The following ZNF131 variants were observed in gnomAD, a reference collection of about 807,000 sequenced individuals.
The protein encoded by ZNF131 is zinc finger protein 131.
ZNF131 carries 7 observed loss-of-function variants against 60.0 expected under a neutral mutation model. The observed-to-expected ratio is 0.12, with a 90% CI of 0.07 to 0.22. ZNF131 has a LOEUF of 0.22. Ranked by LOEUF, ZNF131 falls within the 10% of genes least tolerant of loss-of-function variation. The pLI is 1.00. For missense variants in ZNF131, 493 were observed against 740.9 expected (o/e 0.67, Z 3.88); for synonymous variants, 257 against 253.2 (o/e 1.01, Z -0.14).
At chr5:43,174,367 C>T in intron 6 of ZNF131, 80 bp from the exon 7 acceptor site, 1 of 1,273,192 alleles carries the variant, frequency 7.9e-7, no homozygotes, top group Non-Finnish European at 1.1e-6. Context: ...TCAATCTTTT[C>T]TTTACAGAGA....
At chr5:43,165,446 G>C (rs1156629527) in intron 5 of ZNF131, among the ~76,000 whole-genome samples, 1 of 152,190 alleles carries the variant, frequency 6.6e-6, no homozygotes, top group African/African-American at 2.4e-5. Context: ...CAGAATGGCT[G>C]TTGTGTTTGC....
At chr5:43,141,041 G>C (rs192798429) in intron 4 of ZNF131, among the ~76,000 whole-genome samples, 41 of 152,088 alleles carry the variant, frequency 2.7e-4, no homozygotes, top group Admixed American at 2.3e-3. Flanking sequence ...TTTTTTAAGA[G>C]ATAAAAATTT....
chr5:43,175,238 T>A lies in ZNF131; in HGVS notation c.*105T>A. On this transcript the variant is annotated 3_prime_UTR_variant, in exon 7 of 7. Coordinates refer to ENST00000682664, the MANE Select transcript of ZNF131 (RefSeq NM_001330707.2). ...GCCTAACAGACAAGTGGACCAAAGT[T>A]AAGCTGTTTCCTGTTGTGCTGAACT... is the stretch of plus-strand genomic sequence containing the variant. 8.5e-7 allele frequency: 1 copy of A among 1,178,876 alleles called. No individual in the cohort carries two copies. Among genetic ancestry groups the A allele is most frequent in the Non-Finnish European group, 1.2e-6 (1 of 854,038 alleles). 73.0% of individuals were successfully genotyped at this position (1,178,876 alleles called of 1,614,324 possible). A position where few individuals can be genotyped will look rare whatever the true frequency, so the allele number is the denominator to read the frequency against.
intron 4 of ZNF131, among the ~76,000 whole-genome samples, chr5:43,151,418 A>G (rs1033417911): frequency 1.2e-4 from 18 of 152,154 alleles, no homozygotes; most frequent in Admixed American, 4.6e-4. Context: ...TCTTAGGTGT[A>G]AGTCGTCATT....
chr5:43,171,216 A>G (rs986017444), intron 5 of ZNF131, among the ~76,000 whole-genome samples: 8 of 151,898 alleles, frequency 5.3e-5, no homozygotes, highest in African/African-American at 1.5e-4. Flanking sequence ...CCAAAGTGCT[A>G]GGATCACAGG....
chr5:43,138,394 C>G (rs561089231), intron 3 of ZNF131, among the ~76,000 whole-genome samples: 5 of 152,080 alleles, frequency 3.3e-5, no homozygotes, highest in Non-Finnish European at 7.4e-5. Context: ...TGGCTCACGC[C>G]TGTAATCCCA....
At chr5:43,171,105 C>A (rs1750935603) in intron 5 of ZNF131, among the ~76,000 whole-genome samples, 1 of 151,872 alleles carries the variant, frequency 6.6e-6, no homozygotes, top group African/African-American at 2.4e-5. Context: ...CCACCACCCC[C>A]AGCTAATTAT....
chr5:43,173,121 A>G, intron 5 of ZNF131, 197 bp from the exon 6 acceptor site: 1 of 474,118 alleles, frequency 2.1e-6, no homozygotes, highest in Non-Finnish European at 3.7e-6. Context: ...TATACAGTTA[A>G]ATATTAAATT....
intron 4 of ZNF131, among the ~76,000 whole-genome samples, chr5:43,147,428 T>A (rs1461327856): frequency 1.3e-5 from 2 of 151,504 alleles, no homozygotes; most frequent in African/African-American, 4.8e-5. Flanking sequence ...TTTATTTATT[T>A]ATTTTTTGAG....
At chr5:43,141,555 C>G (rs567352329) in intron 4 of ZNF131, among the ~76,000 whole-genome samples, 1 of 152,048 alleles carries the variant, frequency 6.6e-6, no homozygotes, top group Admixed American at 6.5e-5. Context: ...ATTACTTGGA[C>G]CTCAGGAGTT....
At chr5:43,139,540 T>G (rs1561404908) in intron 4 of ZNF131, among the ~76,000 whole-genome samples, 1 of 152,240 alleles carries the variant, frequency 6.6e-6, no homozygotes, top group East Asian at 1.9e-4. Flanking sequence ...CTTTGGTATG[T>G]AATAAAATAA....
At chr5:43,134,562 C>G (rs1180779729) in intron 3 of ZNF131, among the ~76,000 whole-genome samples, 1 of 152,112 alleles carries the variant, frequency 6.6e-6, no homozygotes, top group Non-Finnish European at 1.5e-5. Flanking sequence ...AGGAATCAAT[C>G]TCTTTTTGCA....
chr5:43,168,303 G>A (rs950669986), intron 5 of ZNF131, among the ~76,000 whole-genome samples: 1 of 152,212 alleles, frequency 6.6e-6, no homozygotes, highest in African/African-American at 2.4e-5. Context: ...GACTCAGAAA[G>A]GAAAAGGAGT....
In ZNF131 at chr5:43,175,494, C is replaced by T; in HGVS notation, c.*361C>T. The T allele has an allele frequency of 1.4e-6, 1 of 698,892 alleles. No individual in the cohort carries two copies. The highest frequency in any genetic ancestry group is 1.5e-5 in the South Asian group (1 of 66,260). The allele number at this position is 698,892 out of a possible 1,614,324, so 43.3% of individuals were successfully genotyped here. ...TCAAATTTTTTCCATATTGTAAAAT[C>T]AAACTTAAATCATTAGAATACAAGT... is the stretch of plus-strand genomic sequence containing the variant. On this transcript the variant is annotated 3_prime_UTR_variant, in exon 7 of 7. Coordinates refer to ENST00000682664, the MANE Select transcript of ZNF131 (RefSeq NM_001330707.2).
chr5:43,146,258 C>CA (rs1747562220), intron 4 of ZNF131, among the ~76,000 whole-genome samples: 1 of 152,180 alleles, frequency 6.6e-6, no homozygotes, highest in South Asian at 2.1e-4. Context: ...ATTAGGACCT[C>CA]ATTTTGCTTT....
At chr5:43,121,900 C>T (rs1184306865) in intron 1 of ZNF131, 139 bp from the exon 2 acceptor site, 46 of 974,494 alleles carry the variant, frequency 4.7e-5, no homozygotes, top group Non-Finnish European at 6.5e-5. Flanking sequence ...CCTTTCTTCC[C>T]TCGCCTTTCT....
intron 4 of ZNF131, among the ~76,000 whole-genome samples, chr5:43,157,206 T>G (rs1749074492): frequency 6.6e-6 from 1 of 152,140 alleles, no homozygotes; most frequent in African/African-American, 2.4e-5. Flanking sequence ...TCCAAATGAA[T>G]CAGAGGTGGA....
At chr5:43,130,372 G>T (rs960935170) in intron 3 of ZNF131, among the ~76,000 whole-genome samples, 1 of 151,492 alleles carries the variant, frequency 6.6e-6, no homozygotes. Flanking sequence ...GGGAGAGAAA[G>T]AAATAATGTA....
At chr5:43,165,895 A>G (rs1750288832) in intron 5 of ZNF131, among the ~76,000 whole-genome samples, 1 of 152,260 alleles carries the variant, frequency 6.6e-6, no homozygotes, top group Non-Finnish European at 1.5e-5. Flanking sequence ...AGCCACCTTC[A>G]TCAGTGATCT....
Sources: allele counts gnomAD v4.1 joint callset (sites outside exome capture counted in the v4.1 genomes callset), GRCh38; gene constraint gnomAD v4.1.1; transcripts MANE v1.5; gene names NCBI Gene and HGNC (gene_info 2026-07-23, HGNC 2026-07-21).